The following PCP2 variants were observed in gnomAD, a reference collection of about 807,000 sequenced individuals.
The protein encoded by PCP2 is Purkinje cell protein 2 homolog.
PCP2 carries 21 observed loss-of-function variants against 18.3 expected under a neutral mutation model. That is an observed-to-expected ratio of 1.14 (90% CI 0.81 to 1.65). PCP2 has a LOEUF of 1.65. PCP2 is among the 40% of genes most tolerant of loss of function. The probability of loss-of-function intolerance (pLI) is 0.00; values close to 1 mark genes in which losing one functional copy is unlikely to be tolerated. For synonymous variants in PCP2, 85 were observed against 77.6 expected (o/e 1.10, Z -0.50); for missense variants, 202 against 201.8 (o/e 1.00, Z 0.00).
chr19:7,633,277 C>A, intron 1 of PCP2, 130 bp downstream of exon 1: 1 of 998,724 alleles, frequency 1.0e-6, no homozygotes, highest in South Asian at 1.6e-5. Flanking sequence ...CAGCCCCTTT[C>A]TACAGCCACA....
upstream of PCP2, among the ~76,000 whole-genome samples, chr19:7,634,816 C>T (rs1171983359): frequency 6.6e-6 from 1 of 152,222 alleles, no homozygotes; most frequent in Non-Finnish European, 1.5e-5. Context: ...AGTGGCCTGC[C>T]GTCCTTGATG....
rs573307860 is a variant in PCP2 at position 7,633,527 on chromosome 19, G to A, written c.-70C>T. On this transcript the variant is annotated 5_prime_UTR_variant, in exon 1 of 4. The change creates a new upstream start codon in the 5' untranslated region. Coordinates refer to ENST00000311069, the MANE Select transcript of PCP2 (RefSeq NM_174895.3). ...CAGTGCCAGAGAGGGCCTTTTAAACGTCCAGGACGTGGGGGTGTGGATTCC... is the reference window on the plus strand; with the variant it reads ...CAGTGCCAGAGAGGGCCTTTTAAACATCCAGGACGTGGGGGTGTGGATTCC... The A allele has an allele frequency of 8.8e-6, 13 of 1,473,716 alleles. No individual in the cohort carries two copies. The highest frequency in any genetic ancestry group is 5.6e-5 in the African/African-American group (4 of 71,706). The allele number at this position is 1,473,716 out of a possible 1,614,324, so 91.3% of individuals were successfully genotyped here. A position where few individuals can be genotyped will look rare whatever the true frequency, so the allele number is the denominator to read the frequency against.
chr19:7,632,102 T>C lies in PCP2; in HGVS notation c.291+291A>G. On this transcript the variant is annotated intron_variant, in intron 3 of 3. Coordinates refer to ENST00000311069, the MANE Select transcript of PCP2 (RefSeq NM_174895.3). This position sits in a 1 kb window ranked among gnomAD's most constrained non-coding sequence, Gnocchi z 5.2. ...GTGTGAGCTTACGTGACTTCCTCCC[T>C]GGGATACTTTCCTAGGAAGGGGTCC... 1.8e-6 allele frequency: 1 copy of C among 566,174 alleles called. No homozygotes were observed. Among genetic ancestry groups the C allele is most frequent in the Non-Finnish European group, 3.1e-6 (1 of 323,688 alleles). The allele number at this position is 566,174 out of a possible 1,614,324, so 35.1% of individuals were successfully genotyped here.
Position 7,632,326 on chromosome 19 carries a change from G to T in PCP2, c.291+67C>A. 4.4e-6 allele frequency: 7 copies of T among 1,594,868 alleles called. No homozygotes were observed. The highest frequency in any genetic ancestry group is 6.0e-6 in the Non-Finnish European group (7 of 1,170,524). ...CAGGCCCTGTTCCCTCCTGGCTGGG[G>T]TGGAGGGCAGGATCGGAGAGCACTG... On this transcript the variant is annotated intron_variant, in intron 3 of 3. Coordinates refer to ENST00000311069, the MANE Select transcript of PCP2 (RefSeq NM_174895.3). The surrounding 1 kb of genome is among the most constrained non-coding windows in gnomAD (Gnocchi z 5.2).
rs1214795449 is a variant in PCP2 at position 7,633,647 on chromosome 19, G to A, written c.-190C>T. 1.9e-5 allele frequency: 12 copies of A among 622,254 alleles called. No homozygotes were observed. Among genetic ancestry groups the A allele is most frequent in the South Asian group, 1.2e-4 (6 of 49,190 alleles). 38.5% of individuals were successfully genotyped at this position (622,254 alleles called of 1,614,324 possible). A position where few individuals can be genotyped will look rare whatever the true frequency, so the allele number is the denominator to read the frequency against. On this transcript the variant is annotated 5_prime_UTR_variant, in exon 1 of 4. Transcript: ENST00000311069. Reference sequence around the variant, plus strand: ...CAGATAATTGTTTGCCCACAACGATGCTGGATCTGGCATGGTGGGTAGGGG... The same window carrying A: ...CAGATAATTGTTTGCCCACAACGATACTGGATCTGGCATGGTGGGTAGGGG...
At position 7,632,726 on chromosome 19, in the gene PCP2, G is replaced by A; in HGVS notation, c.156C>T (p.Thr52=). 1.3e-6 allele frequency: 2 copies of A among 1,559,732 alleles called. No homozygotes were observed. Among genetic ancestry groups the A allele is most frequent in the Non-Finnish European group, 1.7e-6 (2 of 1,157,846 alleles). ...CGTGCCCATGCTCACGGCTCTTGGT[G>A]GTCTGGCCCGGCCCGGCTTGCAGTG... ...RCSLQAGPGQ[T]TKSQSDPTPE... Residue 52 remains threonine, a synonymous_variant, in exon 2 of 4, where the codon ACC becomes ACT. Coordinates refer to ENST00000311069, the MANE Select transcript of PCP2 (RefSeq NM_174895.3). The surrounding 1 kb of genome is among the most constrained non-coding windows in gnomAD (Gnocchi z 5.2).
chr19:7,632,518 C>T lies in PCP2; in HGVS notation c.167-1G>A, dbSNP rs868609070. 3 of 1,612,862 alleles carry T rather than the reference C, an allele frequency of 1.9e-6. No homozygotes were observed. In the East Asian group the frequency reaches 6.7e-5, roughly 36 times the overall value. Reference sequence around the variant, plus strand: ...TCCATCTCGGGGGTGGGGTCGCTCTCTGCGTGGACGTTCACAGACTTGGGA... The same window carrying T: ...TCCATCTCGGGGGTGGGGTCGCTCTTTGCGTGGACGTTCACAGACTTGGGA... On this transcript the variant is annotated splice_acceptor_variant, in intron 2 of 3. Transcript: ENST00000311069. LOFTEE classifies it high-confidence loss of function. This position sits in a 1 kb window ranked among gnomAD's most constrained non-coding sequence, Gnocchi z 5.2.
In PCP2 at chr19:7,632,711, C is replaced by G. The variant is rs759102290; in HGVS notation, c.166+5G>C. The G allele has an allele frequency of 2.1e-5, 32 of 1,555,356 alleles. No homozygotes were observed. Among genetic ancestry groups the G allele is most frequent in the Non-Finnish European group, 2.8e-5 (32 of 1,155,700 alleles). On this transcript the variant is annotated splice_donor_5th_base_variant and intron_variant, in intron 2 of 3. Transcript: ENST00000311069. The surrounding 1 kb of genome is among the most constrained non-coding windows in gnomAD (Gnocchi z 5.2). ...CATGGACAGCACCCCCGTGCCCATG[C>G]TCACGGCTCTTGGTGGTCTGGCCCG...
rs181742013 is a variant in PCP2 at position 7,633,389 on chromosome 19, G to T, written c.51+18C>A. 4.5e-3 allele frequency: 7,039 copies of T among 1,562,884 alleles called. 21 individuals carry two copies. The highest frequency in any genetic ancestry group is 5.5e-3 in the Non-Finnish European group (6,328 of 1,152,108). On this transcript the variant is annotated intron_variant, in intron 1 of 3. Coordinates refer to ENST00000311069, the MANE Select transcript of PCP2 (RefSeq NM_174895.3). ...GAGACCTTGAGCTGGGGGTGGGGTG[G>T]GGGCAGGGCCCTCTCACCTCGGCAC...
chr19:7,632,439 C>G lies in PCP2; in HGVS notation c.245G>C (p.Arg82Pro), dbSNP rs765886363. The change falls in exon 3 of 4, where the codon CGT becomes CCT. Residue 82 changes from arginine (R) to proline (P), a missense_variant. By Grantham distance (103) the Arg-to-Pro change is moderately radical. Transcript: ENST00000311069. This position sits in a 1 kb window ranked among gnomAD's most constrained non-coding sequence, Gnocchi z 5.2. ...STQGRRMDDQ[R>P]VTVSSLPGFQ... Reference sequence around the variant, plus strand: ...GCCGGGCAGGCTGCTGACTGTCACACGTTGGTCATCCATGCGGCGGCCCTG... The same window carrying G: ...GCCGGGCAGGCTGCTGACTGTCACAGGTTGGTCATCCATGCGGCGGCCCTG... 2 of 1,613,810 alleles carry G rather than the reference C, an allele frequency of 1.2e-6. No homozygotes were observed. Among genetic ancestry groups the G allele is most frequent in the Non-Finnish European group, 1.7e-6 (2 of 1,179,970 alleles).
chr19:7,633,462 C>T lies in PCP2; in HGVS notation c.-5G>A, dbSNP rs1183556126. On this transcript the variant is annotated 5_prime_UTR_variant, in exon 1 of 4. Coordinates refer to ENST00000311069, the MANE Select transcript of PCP2 (RefSeq NM_174895.3). ...CTTCTCCTCCTGATCCATCATGTCC[C>T]TGGACTCCAGTCACTTTTCTGCTGG... The T allele has an allele frequency of 8.3e-6, 13 of 1,574,646 alleles. No homozygotes were observed. The highest frequency in any genetic ancestry group is 4.6e-5 in the East Asian group (2 of 43,398).
chr19:7,633,030 C>T (rs2031396752), intron 1 of PCP2, 200 bp from the exon 2 acceptor site: 1 of 1,429,438 alleles, frequency 7.0e-7, no homozygotes, highest in Non-Finnish European at 9.1e-7. Context: ...GCCCCCGCCC[C>T]AGGGGCCCTG....
rs1014639624 is a variant in PCP2, at chr19:7,632,301, C to T, written c.291+92G>A. The T allele has an allele frequency of 1.3e-4, 202 of 1,554,928 alleles. 3 individuals are homozygous for T. In the South Asian group the frequency reaches 2.3e-3, roughly 17 times the overall value. On this transcript the variant is annotated intron_variant, in intron 3 of 3. Coordinates refer to ENST00000311069, the MANE Select transcript of PCP2 (RefSeq NM_174895.3). The surrounding 1 kb of genome is among the most constrained non-coding windows in gnomAD (Gnocchi z 5.2). The stretch of plus-strand genomic sequence containing the variant: ...GGGCAGCGGATGGACAGAGATGGGG[C>T]AGGCCCTGTTCCCTCCTGGCTGGGG...
intron 1 of PCP2, 55 bp downstream of exon 1, chr19:7,633,352 A>G (rs2031411642): frequency 2.0e-6 from 3 of 1,510,394 alleles, no homozygotes; most frequent in East Asian, 2.4e-5. Flanking sequence ...AGTCTTGTCA[A>G]TCATGGGCTC....
upstream of PCP2, among the ~76,000 whole-genome samples, chr19:7,635,651 G>A (rs772359894): frequency 1.3e-5 from 2 of 151,990 alleles, no homozygotes; most frequent in East Asian, 1.9e-4. Flanking sequence ...AGCTATGATC[G>A]TGCCACTGCC....
chr19:7,631,729 C>T lies in PCP2; in HGVS notation c.371G>A (p.Arg124His), dbSNP rs143514093. The T allele has an allele frequency of 3.3e-5, 47 of 1,440,518 alleles. No homozygotes were observed. Among genetic ancestry groups the T allele is most frequent in the African/African-American group, 2.8e-4 (19 of 68,670 alleles). The allele number at this position is 1,440,518 out of a possible 1,614,324, so 89.2% of individuals were successfully genotyped here. The change falls in exon 4 of 4, where the codon CGT (arginine) becomes CAT (histidine). Residue 124 changes from arginine to histidine, a missense_variant. Physicochemically the swap from Arg to His is conservative, Grantham distance 29 (BLOSUM62 0). Transcript: ENST00000311069. ...TPQDPTALGF[R>H]RNSSPQPPTQ... Reference sequence around the variant, plus strand: ...CGGGGGCTGGGGGCTGCTGTTCCGACGGAAGCCGAGAGCGGTCGGGTCCTG... The same window carrying T: ...CGGGGGCTGGGGGCTGCTGTTCCGATGGAAGCCGAGAGCGGTCGGGTCCTG...
rs1196480663 is a variant in PCP2 at position 7,632,536 on chromosome 19, A to G, written c.167-19T>C. ...TCGCTCTCTGCGTGGACGTTCACAGACTTGGGAGGACACAGCCGGAGTGGG... is the reference window on the plus strand; with the variant it reads ...TCGCTCTCTGCGTGGACGTTCACAGGCTTGGGAGGACACAGCCGGAGTGGG... On this transcript the variant is annotated intron_variant, in intron 2 of 3. Coordinates refer to ENST00000311069, the MANE Select transcript of PCP2 (RefSeq NM_174895.3). This position sits in a 1 kb window ranked among gnomAD's most constrained non-coding sequence, Gnocchi z 5.2. The G allele has an allele frequency of 1.2e-6, 2 of 1,611,116 alleles. No homozygotes were observed. Among genetic ancestry groups the G allele is most frequent in the Non-Finnish European group, 1.7e-6 (2 of 1,179,162 alleles).
upstream of PCP2, among the ~76,000 whole-genome samples, chr19:7,635,514 G>A (rs903048175): frequency 5.9e-5 from 9 of 152,088 alleles, no homozygotes; most frequent in Non-Finnish European, 1.2e-4. Flanking sequence ...GGGCAACATA[G>A]GGAGATCCTG....
upstream of PCP2, among the ~76,000 whole-genome samples, chr19:7,634,502 G>A (rs898247644): frequency 1.3e-5 from 2 of 152,152 alleles, no homozygotes; most frequent in Non-Finnish European, 2.9e-5. Context: ...AAGTGTCATA[G>A]ACCAGATGGC....
Sources: gnomAD v4.1 joint callset for allele counts (sites outside exome capture counted in the v4.1 genomes callset) on GRCh38, gnomAD v4.1.1 for gene constraint, Gnocchi (gnomAD v3.1) non-coding constraint, MANE v1.5 for transcripts, NCBI Gene and HGNC (gene_info 2026-07-23, HGNC 2026-07-21) for gene names.